The following CFAP47 variants were observed in gnomAD, a reference collection of about 807,000 sequenced individuals.
CFAP47 encodes cilia- and flagella-associated protein 47.
CFAP47 carries 29 observed loss-of-function variants against 148.1 expected under a neutral mutation model. That is an observed-to-expected ratio of 0.20 (90% CI 0.15 to 0.27). The LOEUF (loss-of-function observed/expected upper bound fraction) is 0.27. Ranked by LOEUF, CFAP47 falls within the 10% of genes least tolerant of loss-of-function variation. The pLI is 1.00. For missense variants in CFAP47, 1,872 were observed against 1,697.5 expected, an observed-to-expected ratio of 1.10 and a Z score of -1.81; for synonymous variants, 664 against 577.3, an observed-to-expected ratio of 1.15 and a Z score of -2.15.
At chrX:36,098,453 T>A (rs1162473940) in intron 30 of CFAP47, among the ~76,000 whole-genome samples, 1 of 111,376 alleles carries the variant, frequency 9.0e-6, no homozygotes, top group Non-Finnish European at 1.9e-5. Context: ...AGGCTTAGAG[T>A]TCCCCCAGAC....
intron 48 of CFAP47, among the ~76,000 whole-genome samples, chrX:36,250,608 T>G (rs1229812386): frequency 9.1e-6 from 1 of 110,436 alleles, no homozygotes; most frequent in Non-Finnish European, 1.9e-5. Flanking sequence ...ATGCATAGAT[T>G]AATTAGTTTG....
intron 23 of CFAP47, among the ~76,000 whole-genome samples, chrX:36,035,114 C>T (rs772430326): frequency 6.3e-5 from 7 of 110,979 alleles, no homozygotes; most frequent in African/African-American, 2.3e-4. Flanking sequence ...AAATCTGCCT[C>T]TCATTTTTTA....
Position 35,948,814 on chromosome X carries a change from T to C in CFAP47, c.656+362T>C, listed in dbSNP as rs767647194. 2.8e-5 allele frequency among the ~76,000 whole-genome samples: 3 copies of C among 108,253 alleles called. No homozygotes were observed. The East Asian group carries it at 8.9e-4, about 32-fold the overall frequency. 94.0% of individuals were successfully genotyped at this position (108,253 alleles called of 115,157 possible). A position where few individuals can be genotyped will look rare whatever the true frequency, so the allele number is the denominator to read the frequency against. On this transcript the variant is annotated intron_variant, in intron 4 of 63. Coordinates refer to ENST00000378653, the MANE Select transcript of CFAP47 (RefSeq NM_001304548.2). The stretch of plus-strand genomic sequence containing the variant: ...GTGTGTGTGTGCGTGTGTGTGTGTG[T>C]GTGTAGGGGTGGTGGGAGTTAGTGA...
At chrX:36,070,713 A>G (rs1359951933) in intron 27 of CFAP47, among the ~76,000 whole-genome samples, 1 of 110,157 alleles carries the variant, frequency 9.1e-6, no homozygotes, top group Admixed American at 9.7e-5. Flanking sequence ...GCTGGTCTTG[A>G]ACTCCTGACC....
chrX:36,010,431 G>C (rs943532573), intron 21 of CFAP47, among the ~76,000 whole-genome samples: 9 of 106,557 alleles, frequency 8.4e-5, no homozygotes, highest in African/African-American at 2.1e-4. Flanking sequence ...CCTCTCATTT[G>C]TTTACTGTCA....
At chrX:36,076,010 G>C (rs1438734908) in intron 29 of CFAP47, among the ~76,000 whole-genome samples, 2 of 110,803 alleles carry the variant, frequency 1.8e-5, no homozygotes, top group East Asian at 2.8e-4. Context: ...TATGGCTTTT[G>C]GTAGAATGAT....
At chrX:36,037,851 G>A (rs1937356605) in intron 24 of CFAP47, among the ~76,000 whole-genome samples, 1 of 111,340 alleles carries the variant, frequency 9.0e-6, no homozygotes, top group African/African-American at 3.3e-5. Context: ...CTATAGATTT[G>A]TAATGTTTTA....
intron 57 of CFAP47, among the ~76,000 whole-genome samples, chrX:36,322,779 T>C (rs1252359388): frequency 1.8e-5 from 2 of 111,387 alleles, no homozygotes; most frequent in Non-Finnish European, 3.8e-5. Context: ...CACTGGCCTA[T>C]GTAGTGTTTT....
intron 31 of CFAP47, 64 bp from the exon 32 acceptor site, chrX:36,099,687 A>G: frequency 3.9e-6 from 2 of 516,771 alleles, no homozygotes; most frequent in Non-Finnish European, 3.2e-6. Flanking sequence ...TTTTGAAAAA[A>G]AAAACTCATA....
chrX:36,371,563 A>ATATATATGTG (rs1287323467), intron 62 of CFAP47, among the ~76,000 whole-genome samples: 1 of 101,249 alleles, frequency 9.9e-6, no homozygotes, highest in Non-Finnish European at 2.0e-5. Context: ...ATATATGTGT[A>ATATATATGTG]TATATATGTG....
intron 45 of CFAP47, among the ~76,000 whole-genome samples, chrX:36,205,864 T>C (rs782636989): frequency 2.7e-5 from 3 of 112,400 alleles, no homozygotes; most frequent in South Asian, 3.7e-4. Flanking sequence ...TTCTCACTTA[T>C]GCTTTTGCTA....
intron 40 of CFAP47, among the ~76,000 whole-genome samples, chrX:36,180,679 G>A (rs1939740281): frequency 8.9e-6 from 1 of 112,177 alleles, no homozygotes; most frequent in Admixed American, 9.5e-5. Context: ...CATCTATTAT[G>A]AGATGTTTGA....
At chrX:36,008,290 G>A (rs1367015830) in intron 21 of CFAP47, among the ~76,000 whole-genome samples, 1 of 111,086 alleles carries the variant, frequency 9.0e-6, no homozygotes, top group East Asian at 2.9e-4. Context: ...GCTTCTATAA[G>A]TCCTCTGTAT....
At chrX:36,012,450 C>T (rs763550565) in intron 21 of CFAP47, among the ~76,000 whole-genome samples, 55 of 111,812 alleles carry the variant, frequency 4.9e-4, no homozygotes, top group Non-Finnish European at 1.0e-3. Context: ...ATAAAGAAAA[C>T]GTGACACATA....
intron 35 of CFAP47, 78 bp downstream of exon 35, chrX:36,138,542 T>C: frequency 4.9e-6 from 5 of 1,012,834 alleles, no homozygotes; most frequent in Non-Finnish European, 6.4e-6. Context: ...TAATATTGCT[T>C]TGTTCATATT....
intron 29 of CFAP47, among the ~76,000 whole-genome samples, chrX:36,081,460 C>G (rs1043081356): frequency 3.5e-4 from 39 of 111,401 alleles, no homozygotes; most frequent in African/African-American, 1.2e-3. Flanking sequence ...TCCAAAAAAT[C>G]AAGGAGGAAA....
At position 36,071,861 on chromosome X, in the gene CFAP47, T is replaced by C; in HGVS notation, c.4355T>C (p.Val1452Ala). The change falls in exon 28 of 64, where the codon GTT (valine) becomes GCT (alanine). Residue 1452 changes from valine to alanine, a missense_variant. Physicochemically the swap from Val to Ala is moderately conservative, Grantham distance 64 (BLOSUM62 0). Transcript: ENST00000378653. ...DEYLKKTRDG[V>A]LPPYQDAKPP... is the part of the protein sequence containing the mutation. ...TATCTTAAGAAGACTAGAGATGGTG[T>C]TTTGCCTCCCTACCAGGATGCTAAA... is the stretch of plus-strand genomic sequence containing the variant. 1 of 1,206,225 alleles carries C rather than the reference T, an allele frequency of 8.3e-7. No individual in the cohort carries two copies. The highest frequency in any genetic ancestry group is 1.7e-5 in the African/African-American group (1 of 57,643).
intron 57 of CFAP47, among the ~76,000 whole-genome samples, chrX:36,327,854 G>A (rs1941530354): frequency 8.9e-6 from 1 of 111,777 alleles, no homozygotes; most frequent in Non-Finnish European, 1.9e-5. Flanking sequence ...AGTTAATGCA[G>A]GAACAGAAAA....
intron 24 of CFAP47, among the ~76,000 whole-genome samples, chrX:36,038,676 C>CT (rs1432631611): frequency 8.9e-6 from 1 of 111,985 alleles, no homozygotes; most frequent in Non-Finnish European, 1.9e-5. Context: ...ACAGAAAATA[C>CT]TTTTTTAAAT....
Sources: gnomAD v4.1 joint callset for allele counts (sites outside exome capture counted in the v4.1 genomes callset) on GRCh38, gnomAD v4.1.1 for gene constraint, MANE v1.5 for transcripts, NCBI Gene and HGNC (gene_info 2026-07-23, HGNC 2026-07-21) for gene names.